The following UTP18 variants were observed in gnomAD, a reference collection of about 807,000 sequenced individuals.
UTP18 encodes the protein U3 small nucleolar RNA-associated protein 18 homolog.
Under a neutral mutation model 61.1 loss-of-function variants are expected in UTP18, and 36 were observed. The observed-to-expected ratio is 0.59, with a 90% CI of 0.45 to 0.78. UTP18 has a LOEUF of 0.78. UTP18 is among the 30% of genes least tolerant of loss of function. The pLI is 0.00. For synonymous variants in UTP18, 282 were observed against 251.1 expected (o/e 1.12, Z -1.16); for missense variants, 753 against 693.9 (o/e 1.09, Z -0.96).
At chr17:51,267,519 A>G (rs933202331) in intron 3 of UTP18, among the ~76,000 whole-genome samples, 2 of 151,068 alleles carry the variant, frequency 1.3e-5, no homozygotes, top group Non-Finnish European at 2.9e-5. Context: ...CTCTCCATTA[A>G]TTAGTCACTT....
chr17:51,274,617 TG>T (rs1338157391), intron 5 of UTP18, among the ~76,000 whole-genome samples: 1 of 151,844 alleles, frequency 6.6e-6, no homozygotes, highest in Admixed American at 6.6e-5. Context: ...AATTTTTTTT[TG>T]TTTTTGTTTT....
intron 11 of UTP18, chr17:51,288,728 A>G (rs1905174453): frequency 4.8e-6 from 2 of 416,714 alleles, no homozygotes; most frequent in African/African-American, 2.1e-5. Flanking sequence ...GATGACTTCC[A>G]GGACTCTGCA....
chr17:51,279,305 T>G (rs1904834097), intron 7 of UTP18, among the ~76,000 whole-genome samples: 1 of 152,188 alleles, frequency 6.6e-6, no homozygotes, highest in Non-Finnish European at 1.5e-5. Context: ...CTAAGCATTT[T>G]GATATCAGGA....
chr17:51,295,726 A>G (rs897084729), intron 12 of UTP18, among the ~76,000 whole-genome samples: 12 of 152,128 alleles, frequency 7.9e-5, no homozygotes, highest in African/African-American at 2.9e-4. Context: ...GTTTTTTCCA[A>G]TTCTGTGAAG....
Position 51,263,379 on chromosome 17 carries a change from G to A in UTP18, c.448G>A (p.Glu150Lys). The change falls in exon 2 of 14, where the codon GAG becomes AAG. Residue 150 changes from glutamate (E) to lysine (K), a missense_variant. By Grantham distance (56) the Glu-to-Lys change is moderately conservative. Transcript: ENST00000225298. The stretch of plus-strand genomic sequence containing the variant: ...TTGGGTGGATGAAGAAGATGAAGAT[G>A]AGGAAATGTAAGTTGCCTAACTTTT... ...PVWVDEEDED[E>K]EMVDMMNNRF... 4.3e-6 allele frequency: 7 copies of A among 1,613,260 alleles called. No homozygotes were observed. Among genetic ancestry groups the A allele is most frequent in the Non-Finnish European group, 5.9e-6 (7 of 1,179,370 alleles).
intron 7 of UTP18, among the ~76,000 whole-genome samples, chr17:51,279,450 CAGTCCTTA>C (rs924911128): frequency 6.6e-6 from 1 of 151,978 alleles, no homozygotes; most frequent in Non-Finnish European, 1.5e-5. Context: ...AGAAGCTAGT[CAGTCCTTA>C]AGTAAACTGA....
chr17:51,296,454 A>G (rs993081774), intron 12 of UTP18: 1 of 152,452 alleles, frequency 6.6e-6, no homozygotes, highest in African/African-American at 2.4e-5. Context: ...AAAACAGGTT[A>G]TACCAGGATA....
chr17:51,297,440 G>C (rs1158043928), intron 13 of UTP18, among the ~76,000 whole-genome samples: 1 of 152,194 alleles, frequency 6.6e-6, no homozygotes, highest in Non-Finnish European at 1.5e-5. Flanking sequence ...CATTAGTTCT[G>C]CTGCCCAATA....
Position 51,280,081 on chromosome 17 carries a change from A to G in UTP18, c.1089A>G (p.Gly363=). 1 of 1,613,724 alleles carries G rather than the reference A, an allele frequency of 6.2e-7. No individual in the cohort carries two copies. The highest frequency in any genetic ancestry group is 1.1e-5 in the South Asian group (1 of 90,950). Residue 363 remains glycine, a synonymous_variant, in exon 8 of 14, where the codon GGA becomes GGG. Coordinates refer to ENST00000225298, the MANE Select transcript of UTP18 (RefSeq NM_016001.3). ...TCTTGCTCATAAATGGCATTGCTGG[A>G]TATTTGCATTTGCTAGCAATGAAGG... ...GSFLLINGIA[G]YLHLLAMKTK...
rs1248720697 is a variant in UTP18, at chr17:51,277,202, A to T, written c.910A>T (p.Ser304Cys). The T allele has an allele frequency of 6.2e-7, 1 of 1,614,216 alleles. No individual in the cohort carries two copies. Among genetic ancestry groups the T allele is most frequent in the Admixed American group, 1.7e-5 (1 of 60,036 alleles). Residue 304 changes from serine to cysteine, a missense_variant, in exon 7 of 14, where the codon AGT (serine) becomes TGT (cysteine). Physicochemically the swap from Ser to Cys is moderately radical, Grantham distance 112 (BLOSUM62 -1). Coordinates refer to ENST00000225298, the MANE Select transcript of UTP18 (RefSeq NM_016001.3). ...GTTTCCAATCTTTAAGGCTTGTTTT[A>T]GTGCTAATGGGGAAGAAGTTTTAGC... is the stretch of plus-strand genomic sequence containing the variant. ...ERFPIFKACF[S>C]ANGEEVLATS...
chr17:51,261,048 G>A, intron 1 of UTP18, 122 bp downstream of exon 1: 3 of 911,530 alleles, frequency 3.3e-6, no homozygotes, highest in Non-Finnish European at 4.4e-6. Flanking sequence ...GTGGGAGGGA[G>A]CCCGAGAACG....
chr17:51,261,622 C>G (rs1216907211), intron 1 of UTP18, among the ~76,000 whole-genome samples: 1 of 152,014 alleles, frequency 6.6e-6, no homozygotes, highest in Non-Finnish European at 1.5e-5. Flanking sequence ...CGCTTGTGTG[C>G]TAGTGGCAGA....
chr17:51,266,490 A>G (rs1291733272), intron 3 of UTP18, among the ~76,000 whole-genome samples: 2 of 152,228 alleles, frequency 1.3e-5, no homozygotes, highest in Admixed American at 1.3e-4. Context: ...TTACCACTCA[A>G]ATATAATCAG....
At chr17:51,280,980 C>T (rs1374137807) in intron 9 of UTP18, among the ~76,000 whole-genome samples, 2 of 150,522 alleles carry the variant, frequency 1.3e-5, no homozygotes, top group African/African-American at 2.4e-5. Flanking sequence ...GAGTTTAAGA[C>T]CAGCCTGGCC....
intron 4 of UTP18, among the ~76,000 whole-genome samples, chr17:51,271,372 T>A (rs1598476825): frequency 6.6e-6 from 1 of 152,052 alleles, no homozygotes; most frequent in Admixed American, 6.6e-5. Context: ...AGTGACGTGA[T>A]CTTGGCTCAC....
In UTP18 at chr17:51,269,016, G is replaced by A. The variant is rs904203200; in HGVS notation, c.622+112G>A. 2.8e-6 allele frequency: 3 copies of A among 1,068,064 alleles called. No homozygotes were observed. In the African/African-American group the frequency reaches 4.7e-5, roughly 17 times the overall value. The allele number at this position is 1,068,064 out of a possible 1,614,324, so 66.2% of individuals were successfully genotyped here. ...AACCTGGCATTTCTTGCCTGGCTCG[G>A]TAGCTCACGCCTGTCATCCCAGTGC... is the stretch of plus-strand genomic sequence containing the variant. On this transcript the variant is annotated intron_variant, in intron 4 of 13. Coordinates refer to ENST00000225298, the MANE Select transcript of UTP18 (RefSeq NM_016001.3).
chr17:51,280,633 TA>T (rs1245776727), intron 9 of UTP18, among the ~76,000 whole-genome samples, 154 bp downstream of exon 9: 2 of 151,756 alleles, frequency 1.3e-5, no homozygotes, highest in Non-Finnish European at 2.9e-5. Flanking sequence ...GCCAACATGG[TA>T]AAACTCCGTC....
At chr17:51,281,425 T>C (rs1251352622) in intron 9 of UTP18, among the ~76,000 whole-genome samples, 1 of 152,142 alleles carries the variant, frequency 6.6e-6, no homozygotes, top group East Asian at 1.9e-4. Flanking sequence ...TGCCTTTTTT[T>C]CTCTATTCTC....
At chr17:51,290,766 G>A (rs1905218382) in intron 11 of UTP18, among the ~76,000 whole-genome samples, 1 of 152,100 alleles carries the variant, frequency 6.6e-6, no homozygotes, top group Non-Finnish European at 1.5e-5. Context: ...ATTAGTAAAA[G>A]CCAAATCACA....
Sources: gnomAD v4.1 joint callset for allele counts (sites outside exome capture counted in the v4.1 genomes callset) on GRCh38, gnomAD v4.1.1 for gene constraint, MANE v1.5 for transcripts, NCBI Gene and HGNC (gene_info 2026-07-23, HGNC 2026-07-21) for gene names.